CDH20: variants seen among roughly 807,000 people sequenced by gnomAD.
CDH20 encodes the protein cadherin-20.
CDH20 carries 29 observed loss-of-function variants against 74.2 expected under a neutral mutation model. The observed-to-expected ratio is 0.39, with a 90% CI of 0.29 to 0.53. CDH20 has a LOEUF of 0.53. Among genes scored for constraint, CDH20 ranks in the 20% least tolerant of loss-of-function variants. The pLI is 0.69. For missense variants in CDH20, 988 were observed against 1,048.3 expected (o/e 0.94, Z 0.79); for synonymous variants, 469 against 405.4 (o/e 1.16, Z -1.88).
intron 1 of CDH20, among the ~76,000 whole-genome samples, chr18:61,339,360 TACACACACACAC>T (rs35630137): frequency 2.7e-5 from 4 of 145,844 alleles, no homozygotes; most frequent in African/African-American, 5.0e-5. Flanking sequence ...GCAAGTTTAT[TACACACACACAC>T]ACACACACAC....
intron 1 of CDH20, among the ~76,000 whole-genome samples, chr18:61,407,679 T>C (rs1329386200): frequency 6.6e-6 from 1 of 152,228 alleles, no homozygotes; most frequent in Non-Finnish European, 1.5e-5. Context: ...ACTTTTGTGA[T>C]AATTCTTGTT....
At chr18:61,525,264 ATATCT>A (rs1404734089) in intron 6 of CDH20, among the ~76,000 whole-genome samples, 2 of 152,198 alleles carry the variant, frequency 1.3e-5, no homozygotes, top group Non-Finnish European at 2.9e-5. Flanking sequence ...ATGTATGTAA[ATATCT>A]TATTTTTTAA....
chr18:61,551,599 C>G (rs1298189814), intron 11 of CDH20, among the ~76,000 whole-genome samples: 2 of 152,176 alleles, frequency 1.3e-5, no homozygotes, highest in African/African-American at 4.8e-5. Context: ...AGTAACCTTT[C>G]TAAGTTCTTG....
chr18:61,432,244 CAAAAAA>C (rs552208549), intron 1 of CDH20, among the ~76,000 whole-genome samples: 2 of 81,770 alleles, frequency 2.4e-5, no homozygotes, highest in African/African-American at 8.5e-5. Context: ...AACTCTATCT[CAAAAAA>C]AAAAAAAAAA....
chr18:61,538,584 G>GTTTTTTTTT lies in CDH20; in HGVS notation c.1409-437_1409-436insTTTTTTTTT, dbSNP rs1568182044. On this transcript the variant is annotated intron_variant, in intron 8 of 11. Coordinates refer to ENST00000262717, the MANE Select transcript of CDH20 (RefSeq NM_031891.4). ...CTCACCAAGTAAATAACTACTTTTTGTTTGTTTGTTTGTTTTTGTTTTTGT... is the reference window on the plus strand; with the variant it reads ...CTCACCAAGTAAATAACTACTTTTTGTTTTTTTTTTTTGTTTGTTTGTTTTTGTTTTTGT... Among the ~76,000 whole-genome samples the GTTTTTTTTT allele has an allele frequency of 1.3e-4, 7 of 55,820 alleles. 1 individual carries two copies. Among genetic ancestry groups the GTTTTTTTTT allele is most frequent in the Non-Finnish European group, 2.4e-4 (7 of 28,600 alleles). The allele number at this position is 55,820 out of a possible 152,430, so 36.6% of individuals were successfully genotyped here.
At chr18:61,526,784 T>A (rs1354264483) in intron 6 of CDH20, among the ~76,000 whole-genome samples, 1 of 152,202 alleles carries the variant, frequency 6.6e-6, no homozygotes, top group East Asian at 1.9e-4. Context: ...TAGACAAAAT[T>A]AAAGTCCTTG....
At position 61,490,826 on chromosome 18, in the gene CDH20, C is replaced by T. The variant is rs781483916; in HGVS notation, c.246+27C>T. 29 of 1,608,882 alleles carry T rather than the reference C, an allele frequency of 1.8e-5. No individual in the cohort carries two copies. In the East Asian group the frequency reaches 3.1e-4, roughly 17 times the overall value. ...TAAGAAATGCCAAGTAGAAATGACC[C>T]GGGTATTGGATATTGAAATTGAATA... On this transcript the variant is annotated intron_variant, in intron 2 of 11. Transcript: ENST00000262717.
Position 61,479,665 on chromosome 18 carries a change from T to C in CDH20, c.-152-10737T>C, listed in dbSNP as rs900628610. Among the ~76,000 whole-genome samples, 3 of 18,578 alleles carry C rather than the reference T, an allele frequency of 1.6e-4. No individual in the cohort carries two copies. The Non-Finnish European group carries it at 1.9e-3, about 12-fold the overall frequency. 12.2% of individuals were successfully genotyped at this position (18,578 alleles called of 152,430 possible). On this transcript the variant is annotated intron_variant, in intron 1 of 11. Transcript: ENST00000262717. Reference sequence around the variant, plus strand: ...TCTTCTCTATGTGTGTGTCACTATTTTTCCCCCCTAATGCTCAAAAAATCT... The same window carrying C: ...TCTTCTCTATGTGTGTGTCACTATTCTTCCCCCCTAATGCTCAAAAAATCT...
At chr18:61,534,506 A>G (rs1308871860) in intron 7 of CDH20, among the ~76,000 whole-genome samples, 6 of 152,258 alleles carry the variant, frequency 3.9e-5, no homozygotes, top group African/African-American at 1.4e-4. Context: ...TGAATGGGTA[A>G]AAATAATGTG....
chr18:61,481,420 C>T (rs569821374), intron 1 of CDH20, among the ~76,000 whole-genome samples: 5 of 152,102 alleles, frequency 3.3e-5, no homozygotes, highest in Admixed American at 6.5e-5. Context: ...TGTCACACAT[C>T]GAGTGGCAGA....
intron 11 of CDH20, among the ~76,000 whole-genome samples, chr18:61,552,541 C>T (rs1913472905): frequency 6.6e-6 from 1 of 152,106 alleles, no homozygotes; most frequent in South Asian, 2.1e-4. Flanking sequence ...TAGCGTTATC[C>T]AAAATACCGC....
intron 1 of CDH20, among the ~76,000 whole-genome samples, chr18:61,452,942 C>G (rs548597387): frequency 3.3e-5 from 5 of 152,136 alleles, no homozygotes; most frequent in Non-Finnish European, 7.4e-5. Context: ...TTTCTAAACT[C>G]TTTGTTTTGA....
rs949151637 is a variant in CDH20, at chr18:61,545,013, T to C, written c.1531-14T>C. The stretch of plus-strand genomic sequence containing the variant: ...TTTGGCTCCAACTCACCTGATTTCA[T>C]GTCCCTCCCTCAGCTGATCCAGACA... On this transcript the variant is annotated splice_polypyrimidine_tract_variant and intron_variant, in intron 9 of 11. Coordinates refer to ENST00000262717, the MANE Select transcript of CDH20 (RefSeq NM_031891.4). 1.5e-5 allele frequency: 23 copies of C among 1,578,172 alleles called. No individual in the cohort carries two copies. Among genetic ancestry groups the C allele is most frequent in the Admixed American group, 1.7e-5 (1 of 59,942 alleles).
intron 3 of CDH20, 87 bp downstream of exon 3, chr18:61,499,567 T>C: frequency 9.6e-7 from 1 of 1,043,866 alleles, no homozygotes; most frequent in Admixed American, 2.3e-5. Context: ...CACACACATG[T>C]AGATACACAT....
chr18:61,442,605 G>T (rs1568141140), intron 1 of CDH20, among the ~76,000 whole-genome samples: 2 of 152,092 alleles, frequency 1.3e-5, no homozygotes, highest in Admixed American at 6.6e-5. Context: ...TGGGAAAATG[G>T]CATCAAAAAG....
At chr18:61,538,625 G>GTTTTTTTTT (rs1415668565) in intron 8 of CDH20, among the ~76,000 whole-genome samples, 1 of 53,766 alleles carries the variant, frequency 1.9e-5, no homozygotes, top group Non-Finnish European at 3.8e-5. Flanking sequence ...TTTTTGTTTT[G>GTTTTTTTTT]TTTTTTTTTT....
At chr18:61,340,619 G>T (rs573723684) in intron 1 of CDH20, among the ~76,000 whole-genome samples, 56 of 152,020 alleles carry the variant, frequency 3.7e-4, no homozygotes, top group African/African-American at 1.3e-3. Context: ...ACAAATCTTT[G>T]GTCAAAGCTA....
At chr18:61,365,267 T>C (rs2144143244) in intron 1 of CDH20, among the ~76,000 whole-genome samples, 1 of 152,328 alleles carries the variant, frequency 6.6e-6, no homozygotes, top group Non-Finnish European at 1.5e-5. Context: ...AAGACATCAT[T>C]ATGAACATTC....
At chr18:61,345,777 A>T (rs1910097354) in intron 1 of CDH20, among the ~76,000 whole-genome samples, 1 of 152,212 alleles carries the variant, frequency 6.6e-6, no homozygotes, top group Admixed American at 6.5e-5. Context: ...AGTATGCAGG[A>T]TAGAGTGCGA....
Sources: gnomAD v4.1 joint callset for allele counts (sites outside exome capture counted in the v4.1 genomes callset) on GRCh38, gnomAD v4.1.1 for gene constraint, MANE v1.5 for transcripts, NCBI Gene and HGNC (gene_info 2026-07-23, HGNC 2026-07-21) for gene names.